Variants in DHTKD1 observed in about 807,000 individuals in gnomAD.
DHTKD1 encodes 2-oxoadipate dehydrogenase complex component E1.
Under a neutral mutation model 101.8 loss-of-function variants are expected in DHTKD1, and 78 were observed. The observed-to-expected ratio is 0.77, with a 90% CI of 0.64 to 0.93. DHTKD1 has a LOEUF of 0.93. Ranked by LOEUF, DHTKD1 falls within the 40% of genes least tolerant of loss-of-function variation. DHTKD1 has a pLI of 0.00. For synonymous variants in DHTKD1, 462 were observed against 450.3 expected (o/e 1.03, Z -0.33); for missense variants, 1,223 against 1,161.7 (o/e 1.05, Z -0.77).
At position 12,122,975 on chromosome 10, in the gene DHTKD1, G is replaced by A. The variant is rs957300546; in HGVS notation, c.*2087G>A. The A allele has an allele frequency of 4.6e-5, 7 of 152,142 alleles. No homozygotes were observed. The highest frequency in any genetic ancestry group is 1.4e-4 in the African/African-American group (6 of 41,426). The allele number at this position is 152,142 out of a possible 1,614,324, so 9.4% of individuals were successfully genotyped here. The stretch of plus-strand genomic sequence containing the variant: ...ACATATAGGCTGTTCTAGCCACAGT[G>A]GTAGATTTATGATTCACATCCGAAA... On this transcript the variant is annotated 3_prime_UTR_variant, in exon 17 of 17. Transcript: ENST00000263035.
chr10:12,094,360 C>G, intron 7 of DHTKD1, 89 bp downstream of exon 7: 1 of 1,222,794 alleles, frequency 8.2e-7, no homozygotes, highest in South Asian at 1.3e-5. Context: ...CTTTGTCACC[C>G]AGTCTGGAAT....
rs754975497 is a variant in DHTKD1 at position 12,091,609 on chromosome 10, T to C, written c.1084T>C (p.Leu362=). The change falls in exon 6 of 17, where the codon TTG becomes CTG. Residue 362 remains leucine, a synonymous_variant. Transcript: ENST00000263035. ...PHFRIGGSVH[L]IVNNQLGYTT... Reference sequence around the variant, plus strand: ...TTTCAGAATTGGTGGGAGTGTGCATTTGATTGTTAATAACCAGCTGGGTTA... The same window carrying C: ...TTTCAGAATTGGTGGGAGTGTGCATCTGATTGTTAATAACCAGCTGGGTTA... 1.9e-5 allele frequency: 31 copies of C among 1,613,556 alleles called. No homozygotes were observed. Among genetic ancestry groups the C allele is most frequent in the Non-Finnish European group, 2.5e-5 (30 of 1,179,940 alleles).
Position 12,101,317 on chromosome 10 carries a change from A to G in DHTKD1, c.1896+136A>G, listed in dbSNP as rs968040732. 7 of 925,832 alleles carry G rather than the reference A, an allele frequency of 7.6e-6. No homozygotes were observed. In the African/African-American group the frequency reaches 1.2e-4, roughly 15 times the overall value. The allele number at this position is 925,832 out of a possible 1,614,324, so 57.4% of individuals were successfully genotyped here. A position where few individuals can be genotyped will look rare whatever the true frequency, so the allele number is the denominator to read the frequency against. On this transcript the variant is annotated intron_variant, in intron 10 of 16. Transcript: ENST00000263035. ...AAGTAAAGGAGTGCTAAATGGGTGG[A>G]TGAGGTGGGTCTGTCAATTTGGAAT...
chr10:12,077,240 T>A (rs982733309), intron 1 of DHTKD1, among the ~76,000 whole-genome samples: 1 of 151,690 alleles, frequency 6.6e-6, no homozygotes, highest in Admixed American at 6.6e-5. Flanking sequence ...TTGTTTTTTT[T>A]TTTTGAGATG....
Position 12,112,907 on chromosome 10 carries a change from A to G in DHTKD1, c.2162A>G (p.Asp721Gly), listed in dbSNP as rs936756330. 1.9e-6 allele frequency: 3 copies of G among 1,603,736 alleles called. No homozygotes were observed. Among genetic ancestry groups the G allele is most frequent in the Non-Finnish European group, 2.6e-6 (3 of 1,175,722 alleles). Residue 721 changes from aspartate (D) to glycine (G), a missense_variant, in exon 13 of 17, where the codon GAC (aspartate) becomes GGC (glycine). Physicochemically the swap from Asp to Gly is moderately conservative, Grantham distance 94 (BLOSUM62 -1). Coordinates refer to ENST00000263035, the MANE Select transcript of DHTKD1 (RefSeq NM_018706.7). ...TTGCCACTTCTCTCCCAGATGTGTG[A>G]CAGTGCGGAAGAGGGGGTGGACGGA... ...CRIERFLQMCDSAEEGVDGDT... is the reference protein window; with the variant it reads ...CRIERFLQMCGSAEEGVDGDT...
chr10:12,081,612 C>A lies in DHTKD1; in HGVS notation c.295C>A (p.Pro99Thr), dbSNP rs1832820553. 1 of 1,614,118 alleles carries A rather than the reference C, an allele frequency of 6.2e-7. No individual in the cohort carries two copies. Among genetic ancestry groups the A allele is most frequent in the Non-Finnish European group, 8.5e-7 (1 of 1,180,018 alleles). ...AGCCCTGGTGCAGACACTGCAGGGA[C>A]CCTTCCACACGGCAGGTATGGCTTC... ...IQALVQTLQG[P>T]FHTAGLLNMG... is the part of the protein sequence containing the mutation. The change falls in exon 2 of 17, where the codon CCC (proline) becomes ACC (threonine). Residue 99 changes from proline to threonine, a missense_variant. Transcript: ENST00000263035.
At chr10:12,077,316 C>T (rs1485547121) in intron 1 of DHTKD1, among the ~76,000 whole-genome samples, 2 of 151,886 alleles carry the variant, frequency 1.3e-5, no homozygotes, top group South Asian at 2.1e-4. Flanking sequence ...CAACCTCTGC[C>T]TCCTGGGTTC....
At chr10:12,117,330 A>G (rs1018677185) in intron 13 of DHTKD1, among the ~76,000 whole-genome samples, 4 of 103,282 alleles carry the variant, frequency 3.9e-5, no homozygotes, top group African/African-American at 1.5e-4. Flanking sequence ...TTTTTTTTTA[A>G]TAGAGGCAAG....
intron 5 of DHTKD1, among the ~76,000 whole-genome samples, chr10:12,089,872 T>C (rs1450663976): frequency 6.6e-6 from 1 of 152,082 alleles, no homozygotes; most frequent in Non-Finnish European, 1.5e-5. Flanking sequence ...GGTTTCACCA[T>C]GTTGGCCAGC....
chr10:12,106,976 C>G (rs1833258959), intron 11 of DHTKD1, among the ~76,000 whole-genome samples: 1 of 150,880 alleles, frequency 6.6e-6, no homozygotes, highest in Non-Finnish European at 1.5e-5. Flanking sequence ...GCTGCCCATT[C>G]TTTTTCTTTT....
chr10:12,092,750 C>T (rs986472629), intron 6 of DHTKD1, among the ~76,000 whole-genome samples: 1 of 151,854 alleles, frequency 6.6e-6, no homozygotes, highest in Non-Finnish European at 1.5e-5. Flanking sequence ...TTGCAGTGAG[C>T]CAAGATCAGG....
At position 12,118,813 on chromosome 10, in the gene DHTKD1, C is replaced by G. The variant is rs778687894; in HGVS notation, c.2467C>G (p.Leu823Val). ...FYSLVKQRES[L>V]GAKKHDFAII... Reference sequence around the variant, plus strand: ...CTCCCTGGTGAAACAAAGAGAATCTCTGGGGGCCAAGAAGCATGACTTTGC... The same window carrying G: ...CTCCCTGGTGAAACAAAGAGAATCTGTGGGGGCCAAGAAGCATGACTTTGC... Residue 823 changes from leucine to valine, a missense_variant, in exon 15 of 17, where the codon CTG becomes GTG. By Grantham distance (32) the Leu-to-Val change is conservative. Transcript: ENST00000263035. 1.2e-6 allele frequency: 2 copies of G among 1,608,412 alleles called. No individual in the cohort carries two copies. Among genetic ancestry groups the G allele is most frequent in the South Asian group, 1.1e-5 (1 of 89,900 alleles).
At chr10:12,111,767 T>G (rs2131623351) in intron 12 of DHTKD1, among the ~76,000 whole-genome samples, 1 of 152,220 alleles carries the variant, frequency 6.6e-6, no homozygotes, top group Middle Eastern at 3.4e-3. Flanking sequence ...GTCCTGAGTT[T>G]AAAGGTGTGA....
Position 12,097,862 on chromosome 10 carries a change from G to C in DHTKD1, c.1537G>C (p.Ala513Pro). The part of the protein sequence containing the change: ...LNLQAHWQGL[A>P]QPEAQITTWS... ...CCTGCAGGCCCACTGGCAGGGCCTGGCTCAGCCAGAAGCGCAAATCACCAC... is the reference window on the plus strand; with the variant it reads ...CCTGCAGGCCCACTGGCAGGGCCTGCCTCAGCCAGAAGCGCAAATCACCAC... Residue 513 changes from alanine to proline, a missense_variant, in exon 8 of 17, where the codon GCT becomes CCT. Transcript: ENST00000263035. The C allele has an allele frequency of 6.2e-7, 1 of 1,614,188 alleles. No homozygotes were observed. The highest frequency in any genetic ancestry group is 8.5e-7 in the Non-Finnish European group (1 of 1,180,038).
intron 1 of DHTKD1, among the ~76,000 whole-genome samples, chr10:12,074,572 A>T (rs376661027): frequency 7.3e-5 from 11 of 150,476 alleles, no homozygotes; most frequent in African/African-American, 2.7e-4. Flanking sequence ...GTTAGCCAGG[A>T]TGGTTTCGAT....
intron 1 of DHTKD1, among the ~76,000 whole-genome samples, chr10:12,070,629 C>G (rs1429642097): frequency 2.0e-5 from 3 of 152,196 alleles, no homozygotes; most frequent in Non-Finnish European, 4.4e-5. Flanking sequence ...GCTGGGATTA[C>G]AGGCACCTGC....
intron 8 of DHTKD1, among the ~76,000 whole-genome samples, chr10:12,098,406 G>A (rs1833106454): frequency 6.6e-6 from 1 of 152,118 alleles, no homozygotes; most frequent in African/African-American, 2.4e-5. Flanking sequence ...TTTACGTATT[G>A]TCTTAGGATC....
At chr10:12,074,642 G>A (rs1832699434) in intron 1 of DHTKD1, among the ~76,000 whole-genome samples, 1 of 113,800 alleles carries the variant, frequency 8.8e-6, no homozygotes, top group South Asian at 3.3e-4. Flanking sequence ...AGAGGCGTGA[G>A]CTACCGCGGG....
chr10:12,090,389 T>TTTCCTTCCTTCC (rs1244186979), intron 5 of DHTKD1, among the ~76,000 whole-genome samples: 2,702 of 105,634 alleles, frequency 0.026, 277 homozygotes, highest in African/African-American at 0.089. Context: ...TCCTTCCTTT[T>TTTCCTTCCTTCC]TTCCTTCCTT....
Sources: allele counts gnomAD v4.1 joint callset (sites outside exome capture counted in the v4.1 genomes callset), GRCh38; gene constraint gnomAD v4.1.1; transcripts MANE v1.5; gene names NCBI Gene and HGNC (gene_info 2026-07-23, HGNC 2026-07-21).